The following LAMA5 variants were observed in gnomAD, a reference collection of about 807,000 sequenced individuals.
The protein encoded by LAMA5 is laminin subunit alpha 5, also known as laminin subunit alpha-5.
In LAMA5, 260 loss-of-function variants were observed where a neutral mutation model predicts 433.4. The ratio of observed to expected loss-of-function variants is 0.60; its 90% CI spans 0.54 to 0.66. The LOEUF is 0.66. Ranked by LOEUF, LAMA5 falls within the 30% of genes least tolerant of loss-of-function variation. The pLI is 0.00. For synonymous variants in LAMA5, 2,620 were observed against 2,226.6 expected, an observed-to-expected ratio of 1.18 and a Z score of -4.97; for missense variants, 5,378 against 5,258.5, an observed-to-expected ratio of 1.02 and a Z score of -0.70.
chr20:62,334,838 G>A (rs1008309914), intron 20 of LAMA5, among the ~76,000 whole-genome samples, 183 bp downstream of exon 20: 4 of 151,188 alleles, frequency 2.6e-5, no homozygotes, highest in East Asian at 3.9e-4. Context: ...AGGAAGCCAC[G>A]CATCTGGGTG....
At position 62,327,001 on chromosome 20, in the gene LAMA5, ACT is replaced by A. The variant is rs769195874; in HGVS notation, c.5113-37_5113-36del. ...GGACAGACAGAGGTGACCTGGCCAGACTCTGGCCACAGGCTCAGAGCCCGTCA... is the reference window on the plus strand; with the variant it reads ...GGACAGACAGAGGTGACCTGGCCAGACTGGCCACAGGCTCAGAGCCCGTCA... On this transcript the variant is annotated intron_variant, in intron 38 of 79. Transcript: ENST00000252999. 13 of 1,471,856 alleles carry A rather than the reference ACT, an allele frequency of 8.8e-6. No individual in the cohort carries two copies. In the Admixed American group the frequency reaches 2.3e-4, roughly 26 times the overall value. The allele number at this position is 1,471,856 out of a possible 1,614,324, so 91.2% of individuals were successfully genotyped here.
intron 2 of LAMA5, among the ~76,000 whole-genome samples, chr20:62,354,478 C>T (rs927705857): frequency 1.3e-5 from 2 of 152,072 alleles, no homozygotes; most frequent in East Asian, 3.9e-4. Context: ...TCCATGCCTG[C>T]ACCTGGGGGT....
At chr20:62,365,609 A>G (rs114366104) in intron 1 of LAMA5, among the ~76,000 whole-genome samples, 9,641 of 152,206 alleles carry the variant, frequency 0.063, 334 homozygotes, top group South Asian at 0.18. Flanking sequence ...GAGGTGTGGC[A>G]GCAGGTAAGG....
rs756730912 is a variant in LAMA5 at position 62,312,619 on chromosome 20, GCA to G, written c.9227+11_9227+12del. 20 of 1,602,898 alleles carry G rather than the reference GCA, an allele frequency of 1.2e-5. 1 individual carries two copies. In the South Asian group the frequency reaches 1.7e-4, roughly 13 times the overall value. ...AGCCTGGCCTCGGAGCCCCAGCTGC[GCA>G]CAGTGCTTACCTCGGGGGCAGCTGG... On this transcript the variant is annotated intron_variant, in intron 67 of 79. Coordinates refer to ENST00000252999, the MANE Select transcript of LAMA5 (RefSeq NM_005560.6).
chr20:62,357,542 G>C (rs890838357), intron 2 of LAMA5, among the ~76,000 whole-genome samples: 6 of 152,200 alleles, frequency 3.9e-5, no homozygotes, highest in Admixed American at 2.6e-4. Flanking sequence ...CCCCCAGCTG[G>C]GTGAATAAGC....
In LAMA5 at chr20:62,317,237, G is replaced by C. The variant is rs909187922; in HGVS notation, c.7511+108C>G. On this transcript the variant is annotated intron_variant, in intron 55 of 79. Coordinates refer to ENST00000252999, the MANE Select transcript of LAMA5 (RefSeq NM_005560.6). Reference sequence around the variant, plus strand: ...GCTGAGGAAGGCCTGGCTTCTTTGAGGACAACGGCCTCAGCCCCTAGGAGC... The same window carrying C: ...GCTGAGGAAGGCCTGGCTTCTTTGACGACAACGGCCTCAGCCCCTAGGAGC... 1.2e-5 allele frequency: 16 copies of C among 1,304,262 alleles called. No homozygotes were observed. In the African/African-American group the frequency reaches 2.4e-4, roughly 20 times the overall value. 80.8% of individuals were successfully genotyped at this position (1,304,262 alleles called of 1,614,324 possible).
At chr20:62,357,700 A>G (rs1399384867) in intron 2 of LAMA5, among the ~76,000 whole-genome samples, 3 of 152,128 alleles carry the variant, frequency 2.0e-5, no homozygotes, top group Non-Finnish European at 4.4e-5. Context: ...AGAACCCCCA[A>G]CTCTGGGGTT....
chr20:62,356,022 A>G (rs1314543477), intron 2 of LAMA5, among the ~76,000 whole-genome samples: 2 of 152,186 alleles, frequency 1.3e-5, no homozygotes, highest in Non-Finnish European at 2.9e-5. Context: ...CCTCCCCTTC[A>G]GCAGGCCAGT....
At chr20:62,346,417 C>T in intron 9 of LAMA5, 89 bp downstream of exon 9, 7 of 1,406,068 alleles carry the variant, frequency 5.0e-6, no homozygotes, top group Non-Finnish European at 6.8e-6. Flanking sequence ...CTCAGGACAT[C>T]CCCTCCAAAG....
At chr20:62,338,423 C>T (rs1453992053) in intron 12 of LAMA5, 45 bp downstream of exon 12, 1 of 1,607,464 alleles carries the variant, frequency 6.2e-7, no homozygotes, top group Admixed American at 1.7e-5. Context: ...CCTCAGGTGT[C>T]CACCTCGAGC....
chr20:62,321,214 G>A (rs1278015012), intron 48 of LAMA5, among the ~76,000 whole-genome samples: 22 of 128,866 alleles, frequency 1.7e-4, no homozygotes, highest in Non-Finnish European at 9.9e-5. Context: ...GGAGGAAGAG[G>A]GGGCCAGTGG....
chr20:62,321,981 T>A, intron 48 of LAMA5, 38 bp downstream of exon 48: 1 of 1,581,686 alleles, frequency 6.3e-7, no homozygotes. Flanking sequence ...GGATTCCTAC[T>A]CCATCAGGTG....
At chr20:62,361,745 C>T (rs1472789973) in intron 2 of LAMA5, among the ~76,000 whole-genome samples, 2 of 152,236 alleles carry the variant, frequency 1.3e-5, no homozygotes, top group Non-Finnish European at 2.9e-5. Context: ...AGGCCAGGAC[C>T]TCAAGGCTGG....
intron 2 of LAMA5, among the ~76,000 whole-genome samples, chr20:62,354,656 C>G (rs1005362110): frequency 1.3e-5 from 2 of 152,108 alleles, no homozygotes; most frequent in Non-Finnish European, 2.9e-5. Flanking sequence ...CAGGAGGGGG[C>G]GGTGCCCAAG....
At position 62,325,465 on chromosome 20, in the gene LAMA5, G is replaced by A; in HGVS notation, c.5380C>T (p.Gln1794Ter). Residue 1794 changes from glutamine to a stop codon, truncating the protein, a stop_gained, in exon 41 of 80, where the codon CAG (glutamine) becomes TAG (stop). Transcript: ENST00000252999. LOFTEE classifies it high-confidence loss of function. The stretch of plus-strand genomic sequence containing the variant: ...ATCTGTGAGAAGAGGGCACGGATCT[G>A]CAGCTGCTCCAGGCTGGCCAGCACC... ...MMVLASLEQL[Q>*]IRALFSQISS... The A allele has an allele frequency of 6.2e-7, 1 of 1,612,972 alleles. No individual in the cohort carries two copies. Among genetic ancestry groups the A allele is most frequent in the Non-Finnish European group, 8.5e-7 (1 of 1,179,930 alleles).
chr20:62,357,905 C>T (rs1011103627), intron 2 of LAMA5, among the ~76,000 whole-genome samples: 2 of 152,170 alleles, frequency 1.3e-5, no homozygotes, highest in Non-Finnish European at 2.9e-5. Flanking sequence ...CAGGCTCCCT[C>T]CCTGCAGCCC....
At chr20:62,339,407 T>C (rs1028267900) in intron 11 of LAMA5, among the ~76,000 whole-genome samples, 7 of 151,806 alleles carry the variant, frequency 4.6e-5, no homozygotes, top group African/African-American at 9.7e-5. Flanking sequence ...CCGGCTAATT[T>C]TTGTATTTTT....
chr20:62,321,818 G>A (rs1474389444), intron 48 of LAMA5, among the ~76,000 whole-genome samples: 2 of 151,748 alleles, frequency 1.3e-5, no homozygotes, highest in Non-Finnish European at 1.5e-5. Flanking sequence ...GGAAGGCTAG[G>A]GACAGTAGAG....
intron 79 of LAMA5, 82 bp downstream of exon 79, chr20:62,309,634 A>AGAGGTGGG: frequency 2.4e-6 from 1 of 422,518 alleles, no homozygotes; most frequent in Non-Finnish European, 3.5e-6. Flanking sequence ...CAGGGGGTGG[A>AGAGGTGGG]GGGGTGGGGG....
Sources: gnomAD v4.1 joint callset for allele counts (sites outside exome capture counted in the v4.1 genomes callset) on GRCh38, gnomAD v4.1.1 for gene constraint, MANE v1.5 for transcripts, NCBI Gene and HGNC (gene_info 2026-07-23, HGNC 2026-07-21) for gene names.